Variants in LRRC4C observed in about 807,000 individuals in gnomAD.
LRRC4C encodes the protein leucine-rich repeat-containing protein 4C.
LRRC4C carries 5 observed loss-of-function variants against 33.6 expected under a neutral mutation model. The observed-to-expected ratio is 0.15, with a 90% CI of 0.08 to 0.31. The LOEUF is 0.31. Among genes scored for constraint, LRRC4C ranks in the 10% least tolerant of loss-of-function variants. The pLI, the probability that LRRC4C is intolerant of heterozygous loss-of-function variation, is 1.00. For missense variants in LRRC4C, 560 were observed against 796.7 expected, an observed-to-expected ratio of 0.70 and a Z score of 3.58; for synonymous variants, 329 against 302.0, an observed-to-expected ratio of 1.09 and a Z score of -0.93.
intron 2 of LRRC4C, among the ~76,000 whole-genome samples, chr11:40,856,018 A>AT (rs1338403547): frequency 1.3e-5 from 2 of 151,690 alleles, no homozygotes; most frequent in Non-Finnish European, 2.9e-5. Context: ...TTTTATCTTA[A>AT]TTTTTTACTT....
rs1473726785 is a variant in LRRC4C, at chr11:40,993,960, A to T, written c.-495-60237T>A. ...AACAATGAACCTTGGCACATTATAA[A>T]AGCTATTATCCCCTTGCTGTGGATA... On this transcript the variant is annotated intron_variant, in intron 1 of 6. Transcript: ENST00000528697. Among the ~76,000 whole-genome samples, 5 of 152,210 alleles carry T rather than the reference A, an allele frequency of 3.3e-5. No individual in the cohort carries two copies. In the East Asian group the frequency reaches 7.7e-4, roughly 24 times the overall value.
intron 1 of LRRC4C, among the ~76,000 whole-genome samples, chr11:41,233,704 GTTCT>G (rs1049454860): frequency 6.6e-5 from 10 of 151,812 alleles, no homozygotes; most frequent in South Asian, 2.1e-4. Flanking sequence ...CACAGATTTT[GTTCT>G]TTGACTCCAC....
At chr11:40,977,736 A>C (rs1452806972) in intron 1 of LRRC4C, among the ~76,000 whole-genome samples, 3 of 152,180 alleles carry the variant, frequency 2.0e-5, no homozygotes, top group Non-Finnish European at 2.9e-5. Context: ...CTCAAAACTT[A>C]AAAAATTCCA....
intron 1 of LRRC4C, among the ~76,000 whole-genome samples, chr11:41,220,790 T>C (rs1197752614): frequency 6.6e-6 from 1 of 152,170 alleles, no homozygotes; most frequent in Non-Finnish European, 1.5e-5. Context: ...TCAGAAGTCA[T>C]ATATTGGTTT....
intron 4 of LRRC4C, among the ~76,000 whole-genome samples, chr11:40,247,679 T>C (rs1866461347): frequency 6.6e-6 from 1 of 152,166 alleles, no homozygotes; most frequent in Non-Finnish European, 1.5e-5. Context: ...CGTTTTTTGT[T>C]GGTTTGTTTT....
chr11:40,446,118 T>C (rs1951623137), intron 3 of LRRC4C: 1 of 152,214 alleles, frequency 6.6e-6, no homozygotes, highest in African/African-American at 2.4e-5. Flanking sequence ...ATTTTCCATA[T>C]TCTTTATACC....
intron 4 of LRRC4C, among the ~76,000 whole-genome samples, chr11:40,317,192 T>A (rs1945615680): frequency 6.6e-6 from 1 of 151,844 alleles, no homozygotes; most frequent in Admixed American, 6.6e-5. Context: ...TTTGTTTTTT[T>A]TTTTAGGAGC....
intron 1 of LRRC4C, among the ~76,000 whole-genome samples, chr11:41,351,059 G>A (rs147905342): frequency 3.3e-5 from 5 of 152,164 alleles, no homozygotes; most frequent in East Asian, 1.9e-4. Context: ...ACAAGACCTC[G>A]TGTCTTTTAA....
At chr11:40,643,463 C>G (rs1187350003) in intron 3 of LRRC4C, among the ~76,000 whole-genome samples, 1 of 152,098 alleles carries the variant, frequency 6.6e-6, no homozygotes, top group Non-Finnish European at 1.5e-5. Flanking sequence ...AGGCAGTAAC[C>G]AGGCCACCCT....
rs1354388682 is a variant in LRRC4C, at chr11:40,347,734, G to T, written c.-269-28013C>A. Among the ~76,000 whole-genome samples, 4 of 152,226 alleles carry T rather than the reference G, an allele frequency of 2.6e-5. No homozygotes were observed. In the East Asian group the frequency reaches 7.7e-4, roughly 29 times the overall value. Reference sequence around the variant, plus strand: ...AGCGATTCTCCTGCCTCAGCCTCCTGAGTAGCTGGGATTACAGGCATGCAC... The same window carrying T: ...AGCGATTCTCCTGCCTCAGCCTCCTTAGTAGCTGGGATTACAGGCATGCAC... On this transcript the variant is annotated intron_variant, in intron 3 of 6. Coordinates refer to ENST00000528697, the MANE Select transcript of LRRC4C (RefSeq NM_001258419.2).
intron 3 of LRRC4C, among the ~76,000 whole-genome samples, chr11:40,370,544 A>C (rs1353798972): frequency 6.6e-6 from 1 of 152,196 alleles, no homozygotes; most frequent in African/African-American, 2.4e-5. Flanking sequence ...CATTGTATGC[A>C]CTGAGAATAG....
chr11:40,710,387 C>T (rs1946402547), intron 2 of LRRC4C, among the ~76,000 whole-genome samples: 1 of 152,020 alleles, frequency 6.6e-6, no homozygotes, highest in East Asian at 1.9e-4. Context: ...TGTGGATATC[C>T]TTTTTGTTGA....
chr11:41,294,564 A>T (rs1199018166), intron 1 of LRRC4C, among the ~76,000 whole-genome samples: 1 of 152,208 alleles, frequency 6.6e-6, no homozygotes, highest in Non-Finnish European at 1.5e-5. Flanking sequence ...TTTATTTATG[A>T]GAATGTATAA....
At chr11:40,261,326 T>A (rs1010845676) in intron 4 of LRRC4C, among the ~76,000 whole-genome samples, 1 of 152,162 alleles carries the variant, frequency 6.6e-6, no homozygotes, top group Non-Finnish European at 1.5e-5. Context: ...AGATTAAAGT[T>A]TACTGGAATT....
At chr11:40,279,826 C>T (rs1233635701) in intron 4 of LRRC4C, among the ~76,000 whole-genome samples, 1 of 152,158 alleles carries the variant, frequency 6.6e-6, no homozygotes, top group African/African-American at 2.4e-5. Flanking sequence ...GCCTGACATA[C>T]AGTTAGTACT....
At position 40,576,213 on chromosome 11, in the gene LRRC4C, A is replaced by C. The variant is rs188307094; in HGVS notation, c.-270+71929T>G. Among the ~76,000 whole-genome samples the C allele has an allele frequency of 7.2e-5, 11 of 152,298 alleles. No homozygotes were observed. In the East Asian group the frequency reaches 1.2e-3, roughly 16 times the overall value. ...TTTGGACTAGCAATTGCTCACCTGGATTAGGATTTCTCAACCAGCAAGCCC... is the reference window on the plus strand; with the variant it reads ...TTTGGACTAGCAATTGCTCACCTGGCTTAGGATTTCTCAACCAGCAAGCCC... On this transcript the variant is annotated intron_variant, in intron 3 of 6. Coordinates refer to ENST00000528697, the MANE Select transcript of LRRC4C (RefSeq NM_001258419.2).
chr11:40,723,447 C>A (rs1947128656), intron 2 of LRRC4C, among the ~76,000 whole-genome samples: 1 of 152,068 alleles, frequency 6.6e-6, no homozygotes, highest in South Asian at 2.1e-4. Context: ...AGATTGGGGG[C>A]CTATTTTTAG....
At chr11:40,922,861 T>G (rs1212652697) in intron 2 of LRRC4C, among the ~76,000 whole-genome samples, 3 of 152,224 alleles carry the variant, frequency 2.0e-5, no homozygotes, top group Non-Finnish European at 2.9e-5. Flanking sequence ...AGTCTCATTC[T>G]GTTGTATAGG....
At chr11:40,131,221 A>G (rs1349430679) in intron 6 of LRRC4C, among the ~76,000 whole-genome samples, 3 of 152,228 alleles carry the variant, frequency 2.0e-5, no homozygotes, top group Non-Finnish European at 4.4e-5. Context: ...ATTGAAGTCC[A>G]TTGCTAAGAC....
Sources: allele counts gnomAD v4.1 joint callset (sites outside exome capture counted in the v4.1 genomes callset), GRCh38; gene constraint gnomAD v4.1.1; transcripts MANE v1.5; gene names NCBI Gene and HGNC (gene_info 2026-07-23, HGNC 2026-07-21).